The following NEMP2 variants were observed in gnomAD, a reference collection of about 807,000 sequenced individuals.
NEMP2 encodes the protein UPF0571 transmembrane protein.
Under a neutral mutation model 54.2 loss-of-function variants are expected in NEMP2, and 53 were observed. The ratio of observed to expected loss-of-function variants is 0.98; its 90% confidence interval spans 0.78 to 1.23. The LOEUF (loss-of-function observed/expected upper bound fraction) is 1.23. NEMP2 is among the 50% of genes most tolerant of loss of function. The probability of loss-of-function intolerance (pLI) is 0.00; values close to 1 mark genes in which losing one functional copy is unlikely to be tolerated. For missense variants in NEMP2, 455 were observed against 511.3 expected, an observed-to-expected ratio of 0.89 and a Z score of 1.06; for synonymous variants, 197 against 190.3, an observed-to-expected ratio of 1.04 and a Z score of -0.29.
At chr2:190,518,319 G>C (rs1042619298) in intron 4 of NEMP2, among the ~76,000 whole-genome samples, 1 of 152,144 alleles carries the variant, frequency 6.6e-6, no homozygotes, top group Admixed American at 6.5e-5. Flanking sequence ...TCAGCCTTCT[G>C]TATCACGGTC....
In NEMP2 at chr2:190,519,845, C is replaced by T. The variant is rs917262230; in HGVS notation, c.214-662G>A. 1.3e-5 allele frequency among the ~76,000 whole-genome samples: 2 copies of T among 152,210 alleles called. No individual in the cohort carries two copies. The highest frequency in any genetic ancestry group is 4.8e-5 in the African/African-American group (2 of 41,460). On this transcript the variant is annotated intron_variant, in intron 2 of 8. Coordinates refer to ENST00000409150, the MANE Select transcript of NEMP2 (RefSeq NM_001142645.2). The surrounding 1 kb of genome is among the most constrained non-coding windows in gnomAD (Gnocchi z 5.4). ...ACTGTGCTTTGCAGATAGTGCATTT[C>T]TTACAAACGGAAGGTTTGTGCAACT... is the stretch of plus-strand genomic sequence containing the variant.
chr2:190,633,311 C>CTTT, the NEMP2 span, among the ~76,000 whole-genome samples: 1 of 132,494 alleles, frequency 7.5e-6, no homozygotes, highest in Non-Finnish European at 1.6e-5. Context: ...TCAACTTTTC[C>CTTT]TTTTTTTTTT....
the NEMP2 span, among the ~76,000 whole-genome samples, chr2:190,646,317 C>A: frequency 1.3e-5 from 2 of 152,174 alleles, no homozygotes; most frequent in South Asian, 4.1e-4. Context: ...TTTCCTCTAA[C>A]AAATCCTCAG....
At chr2:190,432,493 T>C in the NEMP2 span, among the ~76,000 whole-genome samples, 2 of 152,222 alleles carry the variant, frequency 1.3e-5, no homozygotes, top group African/African-American at 4.8e-5. Flanking sequence ...CTCGGCTCTC[T>C]GCAACCTCCG....
At chr2:190,482,225 C>A in the NEMP2 span, among the ~76,000 whole-genome samples, 1 of 152,162 alleles carries the variant, frequency 6.6e-6, no homozygotes, top group Non-Finnish European at 1.5e-5. Context: ...TGCTACTACT[C>A]CTGTCTCCTG....
chr2:190,558,153 T>A, the NEMP2 span, among the ~76,000 whole-genome samples: 4 of 152,182 alleles, frequency 2.6e-5, no homozygotes, highest in African/African-American at 9.6e-5. The surrounding 1 kb of genome is among the most constrained non-coding windows in gnomAD (Gnocchi z 4.4). Context: ...ATAAAAAGGA[T>A]GAGTTTATGT....
the NEMP2 span, chr2:190,489,933 G>C: frequency 2.8e-6 from 2 of 718,598 alleles, no homozygotes; most frequent in Non-Finnish European, 4.0e-6. This position sits in a 1 kb window ranked among gnomAD's most constrained non-coding sequence, Gnocchi z 6.6. Context: ...CAAATGCCCC[G>C]AGAAGCCTAG....
Position 190,514,689 on chromosome 2 carries a change from G to A in NEMP2, c.728-11C>T. On this transcript the variant is annotated splice_polypyrimidine_tract_variant and intron_variant, in intron 6 of 8. Transcript: ENST00000409150. The surrounding 1 kb of genome is among the most constrained non-coding windows in gnomAD (Gnocchi z 5.7). ...CTATCAAGACATAGCCTGGAAAAGT[G>A]GAAGAGGTAAAATAATATAAATTTG... 2.6e-6 allele frequency: 4 copies of A among 1,548,924 alleles called. No individual in the cohort carries two copies. Among genetic ancestry groups the A allele is most frequent in the Non-Finnish European group, 2.6e-6 (3 of 1,144,618 alleles).
At chr2:190,639,470 G>A in the NEMP2 span, among the ~76,000 whole-genome samples, 8 of 93,866 alleles carry the variant, frequency 8.5e-5, 1 homozygote, top group African/African-American at 3.0e-4. Flanking sequence ...TTTTTAGCTC[G>A]CAGTTTTTGT....
At chr2:190,595,621 A>G in the NEMP2 span, among the ~76,000 whole-genome samples, 2 of 152,366 alleles carry the variant, frequency 1.3e-5, no homozygotes, top group South Asian at 4.1e-4. This position sits in a 1 kb window ranked among gnomAD's most constrained non-coding sequence, Gnocchi z 4.0. Context: ...GAAAGAAGAC[A>G]TTTATGTGGC....
At chr2:190,442,546 G>A in the NEMP2 span, 1 of 152,052 alleles carries the variant, frequency 6.6e-6, no homozygotes, top group Non-Finnish European at 1.5e-5. Flanking sequence ...AATAGTCCAA[G>A]TAAGAGACGG....
At chr2:190,637,212 G>A in the NEMP2 span, among the ~76,000 whole-genome samples, 1 of 152,222 alleles carries the variant, frequency 6.6e-6, no homozygotes, top group African/African-American at 2.4e-5. This position sits in a 1 kb window ranked among gnomAD's most constrained non-coding sequence, Gnocchi z 4.5. Context: ...GCAGTTCAAT[G>A]ATTACAAAGT....
At position 190,520,362 on chromosome 2, in the gene NEMP2, G is replaced by T. The variant is rs527501667; in HGVS notation, c.214-1179C>A. Among the ~76,000 whole-genome samples, 2 of 152,174 alleles carry T rather than the reference G, an allele frequency of 1.3e-5. No individual in the cohort carries two copies. Among genetic ancestry groups the T allele is most frequent in the African/African-American group, 4.8e-5 (2 of 41,428 alleles). On this transcript the variant is annotated intron_variant, in intron 2 of 8. Transcript: ENST00000409150. This position sits in a 1 kb window ranked among gnomAD's most constrained non-coding sequence, Gnocchi z 5.4. ...CAGAACAAAGCACTAGCTACAAGCC[G>T]ATGGTGACAACCCAGTGGTCATTAA...
chr2:190,428,968 C>G, the NEMP2 span, among the ~76,000 whole-genome samples: 2 of 152,042 alleles, frequency 1.3e-5, no homozygotes, highest in Non-Finnish European at 1.5e-5. Context: ...CCACCATGCC[C>G]AGCCTCAATC....
chr2:190,453,532 T>C, the NEMP2 span, among the ~76,000 whole-genome samples: 1 of 152,248 alleles, frequency 6.6e-6, no homozygotes, highest in Non-Finnish European at 1.5e-5. Flanking sequence ...GAACATGCCG[T>C]TATCAGTGTT....
chr2:190,463,513 A>G, the NEMP2 span, among the ~76,000 whole-genome samples: 7 of 152,190 alleles, frequency 4.6e-5, no homozygotes, highest in Admixed American at 1.3e-4. The surrounding 1 kb of genome is among the most constrained non-coding windows in gnomAD (Gnocchi z 4.4). Context: ...GGACAAGTTT[A>G]TATAGACCAT....
At chr2:190,607,604 C>T in the NEMP2 span, 1 of 152,090 alleles carries the variant, frequency 6.6e-6, no homozygotes, top group Non-Finnish European at 1.5e-5. This position sits in a 1 kb window ranked among gnomAD's most constrained non-coding sequence, Gnocchi z 5.2. Flanking sequence ...GGGCAGGAAA[C>T]CAAAAGCACA....
chr2:190,463,291 C>G, the NEMP2 span, among the ~76,000 whole-genome samples: 1 of 152,260 alleles, frequency 6.6e-6, no homozygotes, highest in African/African-American at 2.4e-5. The surrounding 1 kb of genome is among the most constrained non-coding windows in gnomAD (Gnocchi z 4.4). Context: ...TTTTCTTACT[C>G]TCTTAAACTG....
At chr2:190,600,643 C>A in the NEMP2 span, among the ~76,000 whole-genome samples, 7 of 152,092 alleles carry the variant, frequency 4.6e-5, no homozygotes, top group East Asian at 1.3e-3. This position sits in a 1 kb window ranked among gnomAD's most constrained non-coding sequence, Gnocchi z 4.9. Flanking sequence ...TCCTCTCTTG[C>A]CATGTGATCT....
Sources: allele counts gnomAD v4.1 joint callset (sites outside exome capture counted in the v4.1 genomes callset), GRCh38; gene constraint gnomAD v4.1.1; non-coding constraint Gnocchi (gnomAD v3.1); transcripts MANE v1.5; gene names NCBI Gene and HGNC (gene_info 2026-07-23, HGNC 2026-07-21).